Variants in CCSER1 observed in about 807,000 individuals in gnomAD.
CCSER1 encodes serine-rich coiled-coil domain-containing protein 1.
A neutral mutation model predicts 82.0 loss-of-function variants in CCSER1; 41 were observed. The ratio of observed to expected loss-of-function variants is 0.50; its 90% confidence interval spans 0.39 to 0.65. CCSER1 has a LOEUF of 0.65. Ranked by LOEUF, CCSER1 falls within the 30% of genes least tolerant of loss-of-function variation. CCSER1 has a pLI of 0.00. For missense variants in CCSER1, 1,119 were observed against 1,064.2 expected (o/e 1.05, Z -0.72); for synonymous variants, 414 against 383.9 (o/e 1.08, Z -0.92).
In CCSER1 at chr4:90,705,772, C is replaced by T. The variant is rs141170493; in HGVS notation, c.1933-18142C>T. 4.7e-4 allele frequency among the ~76,000 whole-genome samples: 71 copies of T among 152,326 alleles called. 1 individual carries two copies. The East Asian group carries it at 0.012, about 26-fold the overall frequency. Reference sequence around the variant, plus strand: ...CTCCATGGTCGTGGGACCCTCCGAGCCAGGCTCAGAATATAATCTCCTGGT... The same window carrying T: ...CTCCATGGTCGTGGGACCCTCCGAGTCAGGCTCAGAATATAATCTCCTGGT... On this transcript the variant is annotated intron_variant, in intron 6 of 10. Transcript: ENST00000509176.
At chr4:90,348,092 A>G (rs917631426) in intron 3 of CCSER1, among the ~76,000 whole-genome samples, 2 of 152,214 alleles carry the variant, frequency 1.3e-5, no homozygotes, top group South Asian at 4.1e-4. Context: ...ATGGAGGGGA[A>G]CAACACACAC....
At position 91,105,309 on chromosome 4, in the gene CCSER1, C is replaced by T. The variant is rs571608521; in HGVS notation, c.2217+19315C>T. ...TCATCTGTTTCCCTCAAAAAAAGGGCTTCCTCTTTGCCCTCTGCTATTTAC... is the reference window on the plus strand; with the variant it reads ...TCATCTGTTTCCCTCAAAAAAAGGGTTTCCTCTTTGCCCTCTGCTATTTAC... On this transcript the variant is annotated intron_variant, in intron 10 of 10. Transcript: ENST00000509176. Among the ~76,000 whole-genome samples the T allele has an allele frequency of 7.2e-5, 11 of 152,094 alleles. No homozygotes were observed. The South Asian group carries it at 2.1e-3, about 29-fold the overall frequency.
At chr4:91,158,620 C>G (rs987410070) in intron 10 of CCSER1, among the ~76,000 whole-genome samples, 3 of 148,572 alleles carry the variant, frequency 2.0e-5, no homozygotes, top group Non-Finnish European at 4.5e-5. Flanking sequence ...CCCTCTCTTT[C>G]TGTGTGTGTG....
At position 91,602,431 on chromosome 4, in the gene CCSER1, A is replaced by G. The variant is rs1161801559; in HGVS notation, c.*3374A>G. ...TCACATGCCCAGGATAAATGATTACATTCCACTAGCCCTCTCAAAAACTTT... is the reference window on the plus strand; with the variant it reads ...TCACATGCCCAGGATAAATGATTACGTTCCACTAGCCCTCTCAAAAACTTT... On this transcript the variant is annotated 3_prime_UTR_variant, in exon 11 of 11. Transcript: ENST00000509176. Among the ~76,000 whole-genome samples, 1 of 152,036 alleles carries G rather than the reference A, an allele frequency of 6.6e-6. No individual in the cohort carries two copies. Among genetic ancestry groups the G allele is most frequent in the Non-Finnish European group, 1.5e-5 (1 of 67,938 alleles).
At chr4:90,852,828 A>G (rs1383615372) in intron 8 of CCSER1, among the ~76,000 whole-genome samples, 3 of 152,228 alleles carry the variant, frequency 2.0e-5, no homozygotes. Context: ...TCAGAAACAT[A>G]TAAAAGTTTT....
chr4:91,091,552 T>C (rs1723956625), intron 10 of CCSER1, among the ~76,000 whole-genome samples: 1 of 152,178 alleles, frequency 6.6e-6, no homozygotes, highest in African/African-American at 2.4e-5. Flanking sequence ...GGAAAATAAG[T>C]CCCACGACTA....
chr4:90,559,113 G>T (rs1481282663), intron 5 of CCSER1, among the ~76,000 whole-genome samples: 1 of 152,130 alleles, frequency 6.6e-6, no homozygotes, highest in African/African-American at 2.4e-5. Context: ...TGAGCTACAG[G>T]CCTGTATAAA....
At chr4:91,515,998 T>G (rs1760100202) in intron 10 of CCSER1, among the ~76,000 whole-genome samples, 1 of 152,086 alleles carries the variant, frequency 6.6e-6, no homozygotes, top group South Asian at 2.1e-4. Context: ...GTTGGCTTCA[T>G]GTATGTCTTC....
At chr4:90,940,985 T>C (rs1731515990) in intron 9 of CCSER1, among the ~76,000 whole-genome samples, 1 of 152,132 alleles carries the variant, frequency 6.6e-6, no homozygotes, top group Admixed American at 6.5e-5. Context: ...TGCACATATA[T>C]AATTGTGTAT....
chr4:90,253,528 C>T (rs1466628210), intron 1 of CCSER1, among the ~76,000 whole-genome samples: 3 of 152,152 alleles, frequency 2.0e-5, no homozygotes, highest in Admixed American at 1.3e-4. Flanking sequence ...TTATATTCTA[C>T]ATTATTTTTG....
intron 10 of CCSER1, among the ~76,000 whole-genome samples, chr4:91,141,585 A>G (rs1286544415): frequency 6.6e-6 from 1 of 152,192 alleles, no homozygotes; most frequent in Non-Finnish European, 1.5e-5. Context: ...GCTGCAATGG[A>G]CATATGAGTG....
intron 9 of CCSER1, among the ~76,000 whole-genome samples, chr4:90,940,704 A>C (rs994729213): frequency 2.0e-5 from 3 of 152,174 alleles, no homozygotes; most frequent in African/African-American, 7.2e-5. Flanking sequence ...CTGTTATGCC[A>C]GCATGTTTGT....
chr4:90,232,285 A>T (rs1744752984), intron 1 of CCSER1, among the ~76,000 whole-genome samples: 1 of 151,146 alleles, frequency 6.6e-6, no homozygotes, highest in Non-Finnish European at 1.5e-5. Flanking sequence ...ATGTAGATCA[A>T]TGGAACAGAA....
chr4:90,155,048 C>T (rs1329321520), intron 1 of CCSER1, among the ~76,000 whole-genome samples: 1 of 152,140 alleles, frequency 6.6e-6, no homozygotes, highest in Non-Finnish European at 1.5e-5. Context: ...TTTTGAGATA[C>T]ATCCCATCAA....
chr4:90,172,369 T>C (rs188300080), intron 1 of CCSER1, among the ~76,000 whole-genome samples: 1 of 151,978 alleles, frequency 6.6e-6, no homozygotes, highest in East Asian at 1.9e-4. Context: ...AAATAGTATG[T>C]ATATTTCAAA....
At position 91,538,408 on chromosome 4, in the gene CCSER1, TTAAAAA is replaced by T. The variant is rs1192735052; in HGVS notation, c.2218-60158_2218-60153del. 6.6e-5 allele frequency among the ~76,000 whole-genome samples: 10 copies of T among 151,786 alleles called. No homozygotes were observed. In the South Asian group the frequency reaches 1.5e-3, roughly 22 times the overall value. Reference sequence around the variant, plus strand: ...TATGAATAAGTTTGTTCTGAAACAGTTAAAAATAAAAGATTTTCTTCATGACCAAAA... The same window carrying T: ...TATGAATAAGTTTGTTCTGAAACAGTTAAAAGATTTTCTTCATGACCAAAA... On this transcript the variant is annotated intron_variant, in intron 10 of 10. Coordinates refer to ENST00000509176, the MANE Select transcript of CCSER1 (RefSeq NM_001145065.2).
At chr4:90,797,606 G>T (rs1756221614) in intron 7 of CCSER1, among the ~76,000 whole-genome samples, 1 of 152,186 alleles carries the variant, frequency 6.6e-6, no homozygotes, top group African/African-American at 2.4e-5. Context: ...TGTAGTAGCT[G>T]CTAATGGTTT....
chr4:90,241,029 A>G (rs552026811), intron 1 of CCSER1, among the ~76,000 whole-genome samples: 50 of 152,376 alleles, frequency 3.3e-4, no homozygotes, highest in African/African-American at 1.2e-3. Context: ...AATCACTTTT[A>G]TAAGCAAGTG....
intron 7 of CCSER1, among the ~76,000 whole-genome samples, chr4:90,799,387 C>T (rs1756481971): frequency 6.6e-6 from 1 of 152,128 alleles, no homozygotes; most frequent in Non-Finnish European, 1.5e-5. Context: ...AAGAAAAATC[C>T]ATCTGGGCAG....
Sources: allele counts gnomAD v4.1 joint callset (sites outside exome capture counted in the v4.1 genomes callset), GRCh38; gene constraint gnomAD v4.1.1; transcripts MANE v1.5; gene names NCBI Gene and HGNC (gene_info 2026-07-23, HGNC 2026-07-21).